Variants in CDH18 observed in about 807,000 individuals in gnomAD.
CDH18 encodes the protein cadherin-18.
A neutral mutation model predicts 67.9 loss-of-function variants in CDH18; 31 were observed. The observed-to-expected ratio is 0.46, with a 90% CI of 0.34 to 0.62. CDH18 has a LOEUF of 0.62. CDH18 is among the 20% of genes least tolerant of loss of function. The pLI, the probability that CDH18 is intolerant of heterozygous loss-of-function variation, is 0.01. For synonymous variants in CDH18, 362 were observed against 347.2 expected (o/e 1.04, Z -0.48); for missense variants, 890 against 975.5 (o/e 0.91, Z 1.17).
intron 1 of CDH18, among the ~76,000 whole-genome samples, chr5:20,301,921 T>A (rs970826564): frequency 1.3e-4 from 20 of 149,766 alleles, no homozygotes; most frequent in African/African-American, 4.7e-4. Flanking sequence ...GAAAACATAA[T>A]CTCAACTACT....
In CDH18 at chr5:19,596,990, T is replaced by C. The variant is rs147663751; in HGVS notation, c.812-5746A>G. On this transcript the variant is annotated intron_variant, in intron 6 of 12. Coordinates refer to ENST00000382275, the MANE Select transcript of CDH18 (RefSeq NM_004934.5). ...TTTCCTCTTGAATGTTGGCTAGATA[T>C]AGTGGCTCACTTATGATGGAGTTCA... 1.6e-3 allele frequency among the ~76,000 whole-genome samples: 240 copies of C among 152,350 alleles called. 1 individual carries two copies. Among genetic ancestry groups the C allele is most frequent in the African/African-American group, 5.6e-3 (234 of 41,576 alleles).
intron 2 of CDH18, among the ~76,000 whole-genome samples, chr5:20,090,246 G>A (rs1056339928): frequency 1.3e-5 from 2 of 152,162 alleles, no homozygotes; most frequent in Non-Finnish European, 2.9e-5. Flanking sequence ...ATAAAAAACA[G>A]TAAATGTGGG....
chr5:20,144,559 AT>A (rs1272338021), intron 2 of CDH18, among the ~76,000 whole-genome samples: 6 of 152,156 alleles, frequency 3.9e-5, no homozygotes, highest in African/African-American at 1.4e-4. Flanking sequence ...TTTAAATAAT[AT>A]TTAGATGGGA....
intron 1 of CDH18, among the ~76,000 whole-genome samples, chr5:20,513,767 T>C (rs1384807410): frequency 8.3e-6 from 1 of 119,820 alleles, no homozygotes; most frequent in Non-Finnish European, 1.9e-5. Context: ...CTTTATATAT[T>C]TATTTTGGGG....
At chr5:20,381,337 G>T (rs900276070) in intron 1 of CDH18, among the ~76,000 whole-genome samples, 39 of 152,030 alleles carry the variant, frequency 2.6e-4, no homozygotes, top group African/African-American at 9.4e-4. Context: ...GGAGGAAGAG[G>T]TGGAGCCTCA....
At chr5:20,379,306 T>C (rs975441704) in intron 1 of CDH18, among the ~76,000 whole-genome samples, 5 of 152,202 alleles carry the variant, frequency 3.3e-5, no homozygotes, top group African/African-American at 9.6e-5. Context: ...CCCTTACTTA[T>C]TGCATAATAG....
intron 2 of CDH18, among the ~76,000 whole-genome samples, chr5:20,025,482 C>A (rs1738816805): frequency 6.6e-6 from 1 of 152,014 alleles, no homozygotes; most frequent in Admixed American, 6.5e-5. Context: ...ACATTTCCAT[C>A]TAGGAAATAT....
At chr5:19,859,989 G>GGGGGGTGTGT (rs143069229) in intron 2 of CDH18, among the ~76,000 whole-genome samples, 54 of 143,244 alleles carry the variant, frequency 3.8e-4, no homozygotes, top group African/African-American at 1.4e-3. Context: ...GTTTGCTTTG[G>GGGGGGTGTGT]GTGTGTGTGT....
chr5:19,894,143 A>G (rs2150091838), intron 2 of CDH18, among the ~76,000 whole-genome samples: 1 of 152,188 alleles, frequency 6.6e-6, no homozygotes, highest in African/African-American at 2.4e-5. Flanking sequence ...ACATTAAAGA[A>G]TCAAGAATCT....
At chr5:19,578,504 C>A (rs1177358696) in intron 7 of CDH18, among the ~76,000 whole-genome samples, 1 of 151,248 alleles carries the variant, frequency 6.6e-6, no homozygotes, top group African/African-American at 2.4e-5. Context: ...TGCTTATTTT[C>A]TATGTCTTTC....
intron 10 of CDH18, among the ~76,000 whole-genome samples, chr5:19,511,734 A>G (rs1205748213): frequency 6.6e-6 from 1 of 152,148 alleles, no homozygotes; most frequent in Non-Finnish European, 1.5e-5. Context: ...AAAATCATTC[A>G]GTTTTATGCA....
intron 1 of CDH18, among the ~76,000 whole-genome samples, chr5:20,324,540 C>CAAACAAAACA (rs78842210): frequency 1.3e-4 from 20 of 150,872 alleles, no homozygotes; most frequent in East Asian, 5.9e-4. Context: ...GACTCCGTCT[C>CAAACAAAACA]AAACAAAACA....
intron 1 of CDH18, among the ~76,000 whole-genome samples, chr5:20,346,340 C>T (rs1284368751): frequency 6.6e-6 from 1 of 152,078 alleles, no homozygotes; most frequent in African/African-American, 2.4e-5. Context: ...AATTTTTGGA[C>T]AGTTAATGCC....
At chr5:19,829,206 G>C (rs1780753161) in intron 3 of CDH18, among the ~76,000 whole-genome samples, 1 of 152,048 alleles carries the variant, frequency 6.6e-6, no homozygotes, top group Admixed American at 6.6e-5. Context: ...TGGAAGTCCT[G>C]GCTACAGCAT....
At chr5:20,421,495 T>TA (rs998292040) in intron 1 of CDH18, among the ~76,000 whole-genome samples, 2 of 150,740 alleles carry the variant, frequency 1.3e-5, no homozygotes, top group African/African-American at 5.0e-5. Context: ...CTTTTACGAG[T>TA]AAGTGCTGAA....
At chr5:20,574,501 C>A (rs1023264707) in intron 1 of CDH18, among the ~76,000 whole-genome samples, 2 of 151,908 alleles carry the variant, frequency 1.3e-5, no homozygotes, top group Non-Finnish European at 2.9e-5. Context: ...AACAAATTGA[C>A]ATAAAAATGT....
chr5:20,557,074 C>T (rs1400562759), intron 1 of CDH18, among the ~76,000 whole-genome samples: 1 of 152,200 alleles, frequency 6.6e-6, no homozygotes, highest in African/African-American at 2.4e-5. Flanking sequence ...ACTAAATAGA[C>T]TATTTCAGGA....
chr5:20,379,690 T>C lies in CDH18; in HGVS notation c.-579-124185A>G, dbSNP rs535007873. Among the ~76,000 whole-genome samples the C allele has an allele frequency of 1.3e-3, 192 of 152,116 alleles. 3 individuals are homozygous for C. The highest frequency in any genetic ancestry group is 4.5e-3 in the African/African-American group (188 of 41,498). ...TTAAAATTACTTAAATGTCTGGATG[T>C]AGGATTTTATTTTGAAGGACAGATT... On this transcript the variant is annotated intron_variant, in intron 1 of 14. Coordinates refer to the CDH18 transcript ENST00000507958.
intron 5 of CDH18, among the ~76,000 whole-genome samples, chr5:19,675,489 T>C (rs977340033): frequency 1.3e-5 from 2 of 152,102 alleles, no homozygotes; most frequent in Admixed American, 1.3e-4. Flanking sequence ...CTCAGGGATG[T>C]TCCTTGCTGA....
Sources: allele counts gnomAD v4.1 joint callset (sites outside exome capture counted in the v4.1 genomes callset), GRCh38; gene constraint gnomAD v4.1.1; transcripts MANE v1.5; gene names NCBI Gene and HGNC (gene_info 2026-07-23, HGNC 2026-07-21).